Variants in DDX55 observed in about 807,000 individuals in gnomAD.
The protein encoded by DDX55 is DEAD-box helicase 55, also known as ATP-dependent RNA helicase DDX55.
DDX55 carries 56 observed loss-of-function variants against 69.2 expected under a neutral mutation model. The observed-to-expected ratio is 0.81, with a 90% confidence interval of 0.65 to 1.01. The LOEUF is 1.01. Among genes scored for constraint, DDX55 ranks in the 50% least tolerant of loss-of-function variants. The pLI, the probability that DDX55 is intolerant of heterozygous loss-of-function variation, is 0.00. For missense variants in DDX55, 720 were observed against 745.1 expected, an observed-to-expected ratio of 0.97 and a Z score of 0.39; for synonymous variants, 268 against 273.1, an observed-to-expected ratio of 0.98 and a Z score of 0.18.
intron 1 of DDX55, 187 bp from the exon 2 acceptor site, chr12:123,605,744 C>A: frequency 1.3e-6 from 1 of 754,168 alleles, no homozygotes. Flanking sequence ...ACTGTCCCCA[C>A]ACGCCGTCCA....
chr12:123,615,914 G>T (rs1057135423), intron 9 of DDX55, among the ~76,000 whole-genome samples: 1 of 152,158 alleles, frequency 6.6e-6, no homozygotes, highest in African/African-American at 2.4e-5. Context: ...CCCAGGAGGC[G>T]GAGCTTGCAG....
At chr12:123,617,512 A>G (rs1954765147) in intron 10 of DDX55, among the ~76,000 whole-genome samples, 1 of 152,242 alleles carries the variant, frequency 6.6e-6, no homozygotes, top group Non-Finnish European at 1.5e-5. Context: ...CTGTATGATC[A>G]GAGAGAAAGA....
intron 8 of DDX55, among the ~76,000 whole-genome samples, chr12:123,614,153 G>A (rs1031841022): frequency 1.3e-5 from 2 of 152,092 alleles, no homozygotes; most frequent in African/African-American, 4.8e-5. Flanking sequence ...CTGCTAGGTG[G>A]GATGTTTTCT....
At chr12:123,603,819 T>C (rs786431) in intron 1 of DDX55, among the ~76,000 whole-genome samples, 128,408 of 152,024 alleles carry the variant, frequency 0.84, 54,614 homozygotes, top group East Asian at 0.97. Flanking sequence ...TTTAACTTTT[T>C]TGAGACGGAA....
chr12:123,609,556 A>C (rs1380076781), intron 6 of DDX55, among the ~76,000 whole-genome samples: 2 of 151,362 alleles, frequency 1.3e-5, no homozygotes, highest in African/African-American at 4.9e-5. Context: ...AATTTTTGGC[A>C]GAGACAAGAT....
At position 123,620,071 on chromosome 12, in the gene DDX55, G is replaced by C; in HGVS notation, c.1734G>C (p.Leu578Phe). ...KITEEEFEKG[L>F]LTTGKRTIKT... ...CTGAAGAAGAATTTGAGAAGGGCTT[G>C]TTGACAACTGGCAAAAGAACAATCA... The change falls in exon 14 of 14, where the codon TTG becomes TTC. Residue 578 changes from leucine (L) to phenylalanine (F), a missense_variant. Leu to Phe is a conservative substitution (Grantham distance 22). Coordinates refer to ENST00000238146, the MANE Select transcript of DDX55 (RefSeq NM_020936.3). 1 of 1,614,190 alleles carries C rather than the reference G, an allele frequency of 6.2e-7. No homozygotes were observed. Among genetic ancestry groups the C allele is most frequent in the Non-Finnish European group, 8.5e-7 (1 of 1,180,020 alleles).
At chr12:123,614,377 G>A (rs1954498046) in intron 8 of DDX55, among the ~76,000 whole-genome samples, 1 of 152,222 alleles carries the variant, frequency 6.6e-6, no homozygotes, top group Non-Finnish European at 1.5e-5. Context: ...ATGCAGTAGT[G>A]CAGTAGTCTG....
chr12:123,613,423 T>G (rs1954416711), intron 8 of DDX55, among the ~76,000 whole-genome samples, 171 bp downstream of exon 8: 1 of 152,166 alleles, frequency 6.6e-6, no homozygotes, highest in Non-Finnish European at 1.5e-5. Flanking sequence ...GCTTTATTTT[T>G]CTCCCGTAAA....
At chr12:123,617,893 AGATAGAATGCCTAG>A (rs754710796) in intron 11 of DDX55, 21 bp downstream of exon 11, 15 of 850,850 alleles carry the variant, frequency 1.8e-5, no homozygotes, top group South Asian at 9.1e-5. Context: ...GTCCGTTTTC[AGATAGAATGCCTAG>A]TGACGGGGTA....
rs1380439247 is a variant in DDX55 at position 123,602,161 on chromosome 12, A to T, written c.13A>T (p.Thr5Ser). ...GAAGGAGCGCGCCATGGAGCATGTGACAGAGGGCTCCTGGGAGTCGCTGCC... is the reference window on the plus strand; with the variant it reads ...GAAGGAGCGCGCCATGGAGCATGTGTCAGAGGGCTCCTGGGAGTCGCTGCC... MEHV[T>S]EGSWESLPVP... The change falls in exon 1 of 14, where the codon ACA becomes TCA. Residue 5 changes from threonine to serine, a missense_variant. Thr to Ser is a moderately conservative substitution (Grantham distance 58, BLOSUM62 1). Transcript: ENST00000238146. 1.3e-6 allele frequency: 2 copies of T among 1,558,058 alleles called. No individual in the cohort carries two copies. Among genetic ancestry groups the T allele is most frequent in the Non-Finnish European group, 1.7e-6 (2 of 1,153,136 alleles).
chr12:123,610,605 CTTTTTTTTT>C (rs35576014), intron 7 of DDX55, among the ~76,000 whole-genome samples: 1,558 of 90,100 alleles, frequency 0.017, 43 homozygotes, highest in Admixed American at 0.078. Flanking sequence ...TGCTGAGTTT[CTTTTTTTTT>C]TTTTTTTTTT....
rs576157003 is a variant in DDX55, at chr12:123,610,838, C to T, written c.741+710C>T. Among the ~76,000 whole-genome samples the T allele has an allele frequency of 5.3e-5, 8 of 151,752 alleles. No individual in the cohort carries two copies. In the East Asian group the frequency reaches 1.4e-3, roughly 26 times the overall value. On this transcript the variant is annotated intron_variant, in intron 7 of 13. Coordinates refer to ENST00000238146, the MANE Select transcript of DDX55 (RefSeq NM_020936.3). ...ATCTCCTGACCTGGTGATCCACCTG[C>T]CTCGGCCTCCCAAAGTGCTGGGATT... is the stretch of plus-strand genomic sequence containing the variant.
At chr12:123,606,490 G>C (rs1363045996) in intron 3 of DDX55, among the ~76,000 whole-genome samples, 4 of 152,120 alleles carry the variant, frequency 2.6e-5, no homozygotes, top group African/African-American at 2.4e-5. Flanking sequence ...CGGTGCTTCT[G>C]TGGTCATGGG....
At position 123,620,619 on chromosome 12, in the gene DDX55, T is replaced by TATATATATATATAA. The variant is rs1955070805; in HGVS notation, c.*488_*489insTATAAATATATATA. 2 of 120,550 alleles carry TATATATATATATAA rather than the reference T, an allele frequency of 1.7e-5. No homozygotes were observed. The highest frequency in any genetic ancestry group is 7.3e-5 in the African/African-American group (2 of 27,260). 7.5% of individuals were successfully genotyped at this position (120,550 alleles called of 1,614,324 possible). A position where few individuals can be genotyped will look rare whatever the true frequency, so the allele number is the denominator to read the frequency against. ...ATATATATATATATATATATATATATATATATATAAGCTCTTTTTTCTGAG... is the reference window on the plus strand; with the variant it reads ...ATATATATATATATATATATATATATATATATATATATAAATATATATAAGCTCTTTTTTCTGAG... On this transcript the variant is annotated 3_prime_UTR_variant, in exon 14 of 14. Transcript: ENST00000238146.
intron 1 of DDX55, chr12:123,605,647 C>T (rs776449504): frequency 1.5e-5 from 8 of 519,490 alleles, no homozygotes; most frequent in Non-Finnish European, 2.5e-5. Flanking sequence ...ACCCTAAAAC[C>T]CAATGTCTTC....
intron 1 of DDX55, among the ~76,000 whole-genome samples, chr12:123,603,871 C>T (rs111507681): frequency 0.14 from 21,942 of 152,068 alleles, 1,828 homozygotes; most frequent in African/African-American, 0.22. Context: ...GACACGATCT[C>T]GGCTCACTGC....
intron 10 of DDX55, 89 bp from the exon 11 acceptor site, chr12:123,617,669 G>A (rs7137473): frequency 0.27 from 328,847 of 1,214,108 alleles, 47,635 homozygotes; most frequent in African/African-American, 0.42. Context: ...TCCCCAGAGC[G>A]TTTTAGCTGC....
chr12:123,611,537 C>A (rs1391968148), intron 7 of DDX55, among the ~76,000 whole-genome samples: 2 of 152,228 alleles, frequency 1.3e-5, no homozygotes, highest in East Asian at 3.8e-4. Context: ...GGTTCCCTAG[C>A]TCCTGAACAT....
At chr12:123,615,417 G>A (rs1954581887) in intron 9 of DDX55, 101 bp downstream of exon 9, 1 of 1,495,102 alleles carries the variant, frequency 6.7e-7, no homozygotes, top group Non-Finnish European at 9.0e-7. Flanking sequence ...CGCATGTGTT[G>A]TCTTTCCTGC....
Sources: allele counts gnomAD v4.1 joint callset (sites outside exome capture counted in the v4.1 genomes callset), GRCh38; gene constraint gnomAD v4.1.1; transcripts MANE v1.5; gene names NCBI Gene and HGNC (gene_info 2026-07-23, HGNC 2026-07-21).